TARS1: variants seen among roughly 807,000 people sequenced by gnomAD.
TARS1 encodes the protein threonyl-tRNA synthetase 1.
TARS1 carries 57 observed loss-of-function variants against 97.7 expected under a neutral mutation model. The ratio of observed to expected loss-of-function variants is 0.58; its 90% CI spans 0.47 to 0.73. TARS1 has a LOEUF of 0.73. Ranked by LOEUF, TARS1 falls within the 30% of genes least tolerant of loss-of-function variation. The pLI is 0.00. For missense variants in TARS1, 806 were observed against 888.3 expected (o/e 0.91, Z 1.18); for synonymous variants, 312 against 293.7 (o/e 1.06, Z -0.64).
At position 33,459,696 on chromosome 5, in the gene TARS1, G is replaced by C. The variant is rs1195785300; in HGVS notation, c.1085G>C (p.Ser362Thr). ...ATGTTTCTGTTTATTTTCTATCAGA[G>C]CGAATATAGGAAAAGAGGATTCCAG... ...IYNALIEFIRSEYRKRGFQEV... is the reference protein window; with the variant it reads ...IYNALIEFIRTEYRKRGFQEV... The change falls in exon 11 of 19, where the codon AGC (serine) becomes ACC (threonine). Residue 362 changes from serine (S) to threonine (T), a missense_variant and splice_region_variant. This residue lies in a region of TARS1 where 446 missense variants were observed against 511.0 expected (regional missense o/e 0.87). Coordinates refer to ENST00000265112, the MANE Select transcript of TARS1 (RefSeq NM_152295.5). 1 of 1,613,952 alleles carries C rather than the reference G, an allele frequency of 6.2e-7. No homozygotes were observed. The highest frequency in any genetic ancestry group is 8.5e-7 in the Non-Finnish European group (1 of 1,179,930).
chr5:33,446,408 T>C (rs1439027323), intron 2 of TARS1, among the ~76,000 whole-genome samples: 1 of 152,252 alleles, frequency 6.6e-6, no homozygotes, highest in Non-Finnish European at 1.5e-5. Flanking sequence ...CTAATTTCTT[T>C]TTTATACTTT....
chr5:33,443,327 CTCTCT>C (rs1741225967), intron 1 of TARS1, among the ~76,000 whole-genome samples: 1 of 94,902 alleles, frequency 1.1e-5, no homozygotes, highest in Non-Finnish European at 2.1e-5. Context: ...CTCCCTCTCT[CTCTCT>C]CTCTCTCTCT....
chr5:33,450,114 G>A (rs149310198), intron 3 of TARS1, among the ~76,000 whole-genome samples: 7 of 152,296 alleles, frequency 4.6e-5, no homozygotes, highest in African/African-American at 1.7e-4. Context: ...GTTTTTGTGT[G>A]TGTGACTTGG....
chr5:33,457,285 C>G lies in TARS1; in HGVS notation c.866C>G (p.Ala289Gly). Residue 289 changes from alanine to glycine, a missense_variant, in exon 9 of 19, where the codon GCA becomes GGA. By Grantham distance (60) the Ala-to-Gly change is moderately conservative. Around this residue, in one of 3 missense-constraint regions of TARS1, gnomAD observed 356 missense variants for 357.8 expected, o/e 0.99. Coordinates refer to ENST00000265112, the MANE Select transcript of TARS1 (RefSeq NM_152295.5). ...KNSSTYWEGK[A>G]DMETLQRIYG... is the part of the protein sequence containing the mutation. Reference sequence around the variant, plus strand: ...TCCTCCACGTACTGGGAAGGCAAAGCAGATATGGAGACTCTCCAGAGAATT... The same window carrying G: ...TCCTCCACGTACTGGGAAGGCAAAGGAGATATGGAGACTCTCCAGAGAATT... 6.2e-7 allele frequency: 1 copy of G among 1,614,002 alleles called. No homozygotes were observed.
Position 33,462,217 on chromosome 5 carries a change from CTG to C in TARS1, c.1835+16_1835+17del. Reference sequence around the variant, plus strand: ...TGGGGGCAAATGGTAATTTTTGTCACTGTCTTTTTTTTCTGATTAGTATAAAT... The same window carrying C: ...TGGGGGCAAATGGTAATTTTTGTCACTCTTTTTTTTCTGATTAGTATAAAT... On this transcript the variant is annotated intron_variant, in intron 16 of 18. Coordinates refer to ENST00000265112, the MANE Select transcript of TARS1 (RefSeq NM_152295.5). 6.2e-7 allele frequency: 1 copy of C among 1,604,016 alleles called. No individual in the cohort carries two copies. The highest frequency in any genetic ancestry group is 1.3e-5 in the African/African-American group (1 of 74,664).
chr5:33,461,209 G>A lies in TARS1; in HGVS notation c.1465G>A (p.Val489Ile), dbSNP rs200231127. The stretch of plus-strand genomic sequence containing the variant: ...GGATTTTCTACGTACGGTATATAGC[G>A]TATTTGGATTTTCTTTTAAACTAAA... ...CLDFLRTVYS[V>I]FGFSFKLNLS... Residue 489 changes from valine (V) to isoleucine (I), a missense_variant, in exon 13 of 19, where the codon GTA (valine) becomes ATA (isoleucine). Coordinates refer to ENST00000265112, the MANE Select transcript of TARS1 (RefSeq NM_152295.5). 2.2e-5 allele frequency: 36 copies of A among 1,613,956 alleles called. No individual in the cohort carries two copies. Among genetic ancestry groups the A allele is most frequent in the South Asian group, 1.5e-4 (14 of 91,036 alleles).
In TARS1 at chr5:33,460,904, T is replaced by G; in HGVS notation, c.1253T>G (p.Leu418Arg). Residue 418 changes from leucine (L) to arginine (R), a missense_variant and splice_region_variant, in exon 12 of 19, where the codon CTT becomes CGT. This residue lies in a region of TARS1 where 446 missense variants were observed against 511.0 expected (regional missense o/e 0.87). Coordinates refer to ENST00000265112, the MANE Select transcript of TARS1 (RefSeq NM_152295.5). ...LKPMNCPGHC[L>R]MFDHRPRSWR... ...TGGACTTTTCTTTTTCTCTTCAGCC[T>G]TATGTTTGATCATCGGCCAAGGTCC... 6.2e-7 allele frequency: 1 copy of G among 1,614,110 alleles called. No individual in the cohort carries two copies. Among genetic ancestry groups the G allele is most frequent in the Non-Finnish European group, 8.5e-7 (1 of 1,179,990 alleles).
At position 33,448,642 on chromosome 5, in the gene TARS1, C is replaced by G; in HGVS notation, c.240C>G (p.Ser80Arg). Residue 80 changes from serine (S) to arginine (R), a missense_variant, in exon 3 of 19, where the codon AGC (serine) becomes AGG (arginine). By Grantham distance (110) the Ser-to-Arg change is moderately radical (BLOSUM62 -1). Transcript: ENST00000265112. ...SILAEKAEKDSKPIKVTLPDG... is the reference protein window; with the variant it reads ...SILAEKAEKDRKPIKVTLPDG... ...TGGCAGAAAAGGCAGAAAAAGATAGCAAGCCAATTAAAGTCACTTTGCCTG... is the reference window on the plus strand; with the variant it reads ...TGGCAGAAAAGGCAGAAAAAGATAGGAAGCCAATTAAAGTCACTTTGCCTG... 6.2e-7 allele frequency: 1 copy of G among 1,613,854 alleles called. No homozygotes were observed. The highest frequency in any genetic ancestry group is 8.5e-7 in the Non-Finnish European group (1 of 1,179,890).
At chr5:33,458,504 G>GTA in intron 9 of TARS1, 62 bp from the exon 10 acceptor site, 1 of 1,402,056 alleles carries the variant, frequency 7.1e-7, no homozygotes, top group Non-Finnish European at 9.8e-7. Flanking sequence ...TGAAATTTAT[G>GTA]TATATATACA....
Position 33,467,617 on chromosome 5 carries a change from A to G in TARS1, c.2081A>G (p.Lys694Arg). Residue 694 changes from lysine (K) to arginine (R), a missense_variant, in exon 19 of 19, where the codon AAG (lysine) becomes AGG (arginine). Physicochemically the swap from Lys to Arg is conservative, Grantham distance 26. Transcript: ENST00000265112. ...GTTAATATCCGCACAAGAGACAATA[A>G]GGTCCACGGGGAACGCACCATTTCT... ...GTVNIRTRDN[K>R]VHGERTISET... 6.2e-7 allele frequency: 1 copy of G among 1,613,918 alleles called. No individual in the cohort carries two copies. The highest frequency in any genetic ancestry group is 1.1e-5 in the South Asian group (1 of 91,048).
At chr5:33,452,521 A>C in intron 3 of TARS1, 1 of 1,010,944 alleles carries the variant, frequency 9.9e-7, no homozygotes, top group Non-Finnish European at 1.5e-6. Flanking sequence ...TAGCTTTTAC[A>C]CTCTGTGTGC....
intron 14 of TARS1, 21 bp from the exon 15 acceptor site, chr5:33,461,885 A>G: frequency 6.2e-7 from 1 of 1,607,106 alleles, no homozygotes; most frequent in Non-Finnish European, 8.5e-7. Flanking sequence ...ATTTTATAAT[A>G]ACCCAGTCTT....
At chr5:33,441,945 G>A in intron 1 of TARS1, 1 of 152,216 alleles carries the variant, frequency 6.6e-6, no homozygotes. Flanking sequence ...AGGGTTAAAG[G>A]AACAGTAATC....
intron 3 of TARS1, among the ~76,000 whole-genome samples, chr5:33,451,622 C>T (rs1478294795): frequency 6.6e-6 from 1 of 152,212 alleles, no homozygotes; most frequent in Non-Finnish European, 1.5e-5. Context: ...ATCCACCCGC[C>T]TCGGCCTCCC....
chr5:33,466,237 G>A (rs1038112451), intron 17 of TARS1: 2 of 152,036 alleles, frequency 1.3e-5, no homozygotes, highest in African/African-American at 4.8e-5. Flanking sequence ...CCACGTGTGG[G>A]GTGATTTGAA....
intron 18 of TARS1, among the ~76,000 whole-genome samples, chr5:33,467,225 A>T (rs553791225): frequency 6.6e-6 from 1 of 151,864 alleles, no homozygotes; most frequent in South Asian, 2.1e-4. Flanking sequence ...TTGCTATTAT[A>T]ACAAGAATGA....
rs1210285927 is a variant in TARS1 at position 33,441,157 on chromosome 5, G to A, written c.57+14G>A. ...GAGGAGAAGCCGGTGAGCAAACTTG[G>A]TGGGACCCAGAGACCAGCCTGGGAC... On this transcript the variant is annotated intron_variant, in intron 1 of 18. Transcript: ENST00000265112. The A allele has an allele frequency of 1.2e-6, 2 of 1,614,186 alleles. No homozygotes were observed. Among genetic ancestry groups the A allele is most frequent in the South Asian group, 1.1e-5 (1 of 91,090 alleles).
Position 33,456,195 on chromosome 5 carries a change from A to G in TARS1, c.805A>G (p.Thr269Ala), listed in dbSNP as rs765132514. 1.2e-6 allele frequency: 2 copies of G among 1,614,054 alleles called. No homozygotes were observed. The highest frequency in any genetic ancestry group is 8.5e-7 in the Non-Finnish European group (1 of 1,179,952). The change falls in exon 8 of 19, where the codon ACG becomes GCG. Residue 269 changes from threonine to alanine, a missense_variant. This residue lies in a region of TARS1 where 356 missense variants were observed against 357.8 expected (regional missense o/e 0.99). Coordinates refer to ENST00000265112, the MANE Select transcript of TARS1 (RefSeq NM_152295.5). ...CTGCCGGGGTCCTCATGTTAGACAC[A>G]CGGGCAAAATTAAGGCTTTAAAAAT... The part of the protein sequence containing the change: ...DLCRGPHVRH[T>A]GKIKALKIHK...
At chr5:33,455,822 A>C in intron 6 of TARS1, 118 bp downstream of exon 6, 1 of 1,008,974 alleles carries the variant, frequency 9.9e-7, no homozygotes. Flanking sequence ...TTTAGCAAAA[A>C]TTAAGTGTTT....
Sources: allele counts gnomAD v4.1 joint callset (sites outside exome capture counted in the v4.1 genomes callset), GRCh38; gene constraint gnomAD v4.1.1; regional missense constraint gnomAD v4.1.1; transcripts MANE v1.5; gene names NCBI Gene and HGNC (gene_info 2026-07-23, HGNC 2026-07-21).